The following MALRD1 variants were observed in gnomAD, a reference collection of about 807,000 sequenced individuals.
MALRD1 encodes MAM and LDL receptor class A domain containing 1.
MALRD1 carries 247 observed loss-of-function variants against 242.1 expected under a neutral mutation model. The observed-to-expected ratio is 1.02, with a 90% confidence interval of 0.92 to 1.13. The LOEUF (loss-of-function observed/expected upper bound fraction) is 1.13. Ranked by LOEUF, MALRD1 falls within the 50% of genes most tolerant of loss-of-function variation. MALRD1 has a pLI of 0.00. For missense variants in MALRD1, 2,989 were observed against 2,533.1 expected (o/e 1.18, Z -3.86); for synonymous variants, 995 against 866.6 (o/e 1.15, Z -2.60).
At chr10:19,655,663 G>A (rs1034621061) in intron 36 of MALRD1, among the ~76,000 whole-genome samples, 12 of 148,584 alleles carry the variant, frequency 8.1e-5, no homozygotes, top group Non-Finnish European at 1.8e-4. Context: ...ACTCATTGTC[G>A]AAAAAAAATA....
At chr10:19,102,728 G>T (rs1319261179) in intron 4 of MALRD1, among the ~76,000 whole-genome samples, 2 of 152,098 alleles carry the variant, frequency 1.3e-5, no homozygotes, top group African/African-American at 4.8e-5. Flanking sequence ...ATTTTCTATC[G>T]ATTTAGTTAA....
intron 29 of MALRD1, among the ~76,000 whole-genome samples, chr10:19,465,893 T>C (rs1053798330): frequency 4.6e-5 from 7 of 152,162 alleles, no homozygotes; most frequent in African/African-American, 1.7e-4. Flanking sequence ...TTTCTTATAA[T>C]CCCACCACTC....
At chr10:19,207,652 C>T (rs138227920) in intron 17 of MALRD1, among the ~76,000 whole-genome samples, 2,154 of 152,134 alleles carry the variant, frequency 0.014, 44 homozygotes, top group African/African-American at 0.049. Flanking sequence ...AGGCGCCCGC[C>T]ACCACTCCCG....
chr10:19,272,608 T>C (rs1298795444), intron 19 of MALRD1, among the ~76,000 whole-genome samples: 1 of 152,224 alleles, frequency 6.6e-6, no homozygotes, highest in African/African-American at 2.4e-5. Context: ...GGTGGTTTGC[T>C]GCACCCATCA....
chr10:19,695,140 G>C (rs1002837865), intron 38 of MALRD1, among the ~76,000 whole-genome samples: 10 of 152,112 alleles, frequency 6.6e-5, no homozygotes, highest in Non-Finnish European at 1.3e-4. Context: ...GTTAATGGGT[G>C]CAGCACACCA....
At chr10:19,645,325 C>G (rs1840601653) in intron 36 of MALRD1, among the ~76,000 whole-genome samples, 1 of 152,132 alleles carries the variant, frequency 6.6e-6, no homozygotes, top group Non-Finnish European at 1.5e-5. Flanking sequence ...TGTGGTGATT[C>G]CTCAGGGGTC....
chr10:19,393,398 A>G (rs1846417815), intron 28 of MALRD1, among the ~76,000 whole-genome samples: 1 of 150,926 alleles, frequency 6.6e-6, no homozygotes, highest in African/African-American at 2.4e-5. Context: ...TTTTACTCCC[A>G]CTATTTTACC....
At chr10:19,327,509 G>T (rs1588916158) in intron 22 of MALRD1, 54 bp from the exon 23 acceptor site, 8 of 1,344,734 alleles carry the variant, frequency 5.9e-6, no homozygotes, top group Admixed American at 2.3e-5. Flanking sequence ...CTACATGTTT[G>T]CAATTTCTCA....
At chr10:19,545,936 C>T (rs1250401153) in intron 32 of MALRD1, among the ~76,000 whole-genome samples, 1 of 152,132 alleles carries the variant, frequency 6.6e-6, no homozygotes, top group Non-Finnish European at 1.5e-5. Flanking sequence ...TACAATCATA[C>T]TGTTAATTTC....
At chr10:19,711,860 C>A (rs867188028) in intron 38 of MALRD1, among the ~76,000 whole-genome samples, 18 of 152,024 alleles carry the variant, frequency 1.2e-4, no homozygotes, top group Admixed American at 2.0e-4. Context: ...ATCTCCCTGA[C>A]CAATTAAAAT....
At chr10:19,402,282 A>T (rs1039027816) in intron 28 of MALRD1, among the ~76,000 whole-genome samples, 1 of 152,148 alleles carries the variant, frequency 6.6e-6, no homozygotes, top group Non-Finnish European at 1.5e-5. Flanking sequence ...AGACCCCATG[A>T]TATGGTTTGG....
chr10:19,397,916 A>ATT (rs58737628), intron 28 of MALRD1, among the ~76,000 whole-genome samples: 5,856 of 145,766 alleles, frequency 0.04, 189 homozygotes, highest in African/African-American at 0.088. Context: ...GATGCCGAGC[A>ATT]TTTTTTTTTT....
chr10:19,487,782 T>C (rs1301382086), intron 29 of MALRD1, among the ~76,000 whole-genome samples: 1 of 152,226 alleles, frequency 6.6e-6, no homozygotes, highest in African/African-American at 2.4e-5. Flanking sequence ...TTTGTCTTGT[T>C]AATGCCCATA....
chr10:19,444,165 A>G (rs976624426), intron 28 of MALRD1, among the ~76,000 whole-genome samples: 2 of 151,894 alleles, frequency 1.3e-5, no homozygotes, highest in African/African-American at 2.4e-5. Context: ...TGCTTGGTAG[A>G]TCTTCCTCCA....
chr10:19,281,322 A>G lies in MALRD1; in HGVS notation c.3256+1099A>G, dbSNP rs569058259. Among the ~76,000 whole-genome samples the G allele has an allele frequency of 2.0e-5, 3 of 152,158 alleles. No individual in the cohort carries two copies. The East Asian group carries it at 5.8e-4, about 29-fold the overall frequency. ...CATTCGAATCCCCTTATGATCTTAT[A>G]TAAGTTGTAGTGTTTGTAAGAGTTT... On this transcript the variant is annotated intron_variant, in intron 20 of 39. Coordinates refer to ENST00000454679, the MANE Select transcript of MALRD1 (RefSeq NM_001142308.3).
intron 33 of MALRD1, among the ~76,000 whole-genome samples, chr10:19,592,742 C>T (rs1837869621): frequency 8.7e-6 from 1 of 114,940 alleles, no homozygotes; most frequent in Non-Finnish European, 1.9e-5. Context: ...CACACACACA[C>T]ACACACACAC....
At position 19,614,304 on chromosome 10, in the gene MALRD1, G is replaced by A. The variant is rs937152848; in HGVS notation, c.6071-1553G>A. Among the ~76,000 whole-genome samples the A allele has an allele frequency of 2.0e-5, 3 of 151,964 alleles. No homozygotes were observed. The East Asian group carries it at 5.8e-4, about 30-fold the overall frequency. Reference sequence around the variant, plus strand: ...CCCTCAGTGTGAACAACTATACTAAGATGTCTATGTTATCATTATATTTCC... The same window carrying A: ...CCCTCAGTGTGAACAACTATACTAAAATGTCTATGTTATCATTATATTTCC... On this transcript the variant is annotated intron_variant, in intron 35 of 39. Transcript: ENST00000454679.
At chr10:19,655,166 G>GT (rs1248025082) in intron 36 of MALRD1, among the ~76,000 whole-genome samples, 1 of 152,004 alleles carries the variant, frequency 6.6e-6, no homozygotes, top group Non-Finnish European at 1.5e-5. Flanking sequence ...TGCATATGTT[G>GT]TTTTTTGTTC....
intron 34 of MALRD1, among the ~76,000 whole-genome samples, chr10:19,606,479 C>G (rs537356799): frequency 6.6e-6 from 1 of 152,116 alleles, no homozygotes; most frequent in Non-Finnish European, 1.5e-5. Context: ...CATATTTCTG[C>G]TGAACCCTGG....
Sources: allele counts gnomAD v4.1 joint callset (sites outside exome capture counted in the v4.1 genomes callset), GRCh38; gene constraint gnomAD v4.1.1; transcripts MANE v1.5; gene names NCBI Gene and HGNC (gene_info 2026-07-23, HGNC 2026-07-21).